Variants in MBNL2 observed in about 807,000 individuals in gnomAD.
MBNL2 encodes muscleblind-like protein 2.
Under a neutral mutation model 41.9 loss-of-function variants are expected in MBNL2, and 17 were observed. The ratio of observed to expected loss-of-function variants is 0.41; its 90% CI spans 0.28 to 0.61. MBNL2 has a LOEUF of 0.61. MBNL2 is among the 20% of genes least tolerant of loss of function. The pLI, the probability that MBNL2 is intolerant of heterozygous loss-of-function variation, is 0.35. For missense variants in MBNL2, 336 were observed against 505.6 expected, an observed-to-expected ratio of 0.66 and a Z score of 3.22; for synonymous variants, 195 against 182.9, an observed-to-expected ratio of 1.07 and a Z score of -0.53.
the MBNL2 span, among the ~76,000 whole-genome samples, chr13:97,207,525 T>C: frequency 6.6e-6 from 1 of 152,164 alleles, no homozygotes; most frequent in African/African-American, 2.4e-5. Context: ...CATCAGATCT[T>C]GTGAGACTTA....
In MBNL2 at chr13:97,393,995, T is replaced by G. The variant is rs1190899866; in HGVS notation, c.*2546T>G. On this transcript the variant is annotated 3_prime_UTR_variant, in exon 9 of 9. Transcript: ENST00000679496. ...AAATCTTTCTGTAACACTTAAAGAA[T>G]TCCCTCATTCATTACCTTACAGTGT... 6.6e-6 allele frequency: 1 copy of G among 152,608 alleles called. No individual in the cohort carries two copies. Among genetic ancestry groups the G allele is most frequent in the Admixed American group, 6.6e-5 (1 of 15,264 alleles). The allele number at this position is 152,608 out of a possible 1,614,324, so 9.5% of individuals were successfully genotyped here.
chr13:97,379,164 G>A (rs1313604998), intron 8 of MBNL2, among the ~76,000 whole-genome samples: 2 of 152,218 alleles, frequency 1.3e-5, no homozygotes, highest in African/African-American at 4.8e-5. Context: ...AGAAAGTTTA[G>A]TAGAAGCGAA....
chr13:97,286,632 G>C (rs2054504675), intron 2 of MBNL2, among the ~76,000 whole-genome samples: 1 of 152,156 alleles, frequency 6.6e-6, no homozygotes, highest in South Asian at 2.1e-4. Flanking sequence ...TGTGGCACCT[G>C]TTGCATTTCT....
the MBNL2 span, among the ~76,000 whole-genome samples, chr13:97,201,655 A>G: frequency 6.6e-6 from 1 of 152,232 alleles, no homozygotes; most frequent in Non-Finnish European, 1.5e-5. Flanking sequence ...CATTGAAATT[A>G]TAATCTTCAG....
chr13:97,344,688 G>C (rs2061696082), intron 4 of MBNL2, among the ~76,000 whole-genome samples: 1 of 152,176 alleles, frequency 6.6e-6, no homozygotes, highest in South Asian at 2.1e-4. Context: ...TTACTGAATA[G>C]ACCTTTCACA....
At chr13:97,365,599 T>C (rs2063784511) in intron 8 of MBNL2, among the ~76,000 whole-genome samples, 2 of 152,252 alleles carry the variant, frequency 1.3e-5, no homozygotes, top group Admixed American at 1.3e-4. Context: ...ATTCATTTTT[T>C]ACAAATTATA....
chr13:97,261,983 G>C (rs577872663), intron 1 of MBNL2, among the ~76,000 whole-genome samples: 9 of 152,280 alleles, frequency 5.9e-5, no homozygotes, highest in African/African-American at 2.2e-4. Context: ...CTCTTGTCCT[G>C]TTTTTCTCCT....
chr13:97,212,790 A>AC, the MBNL2 span, among the ~76,000 whole-genome samples: 1 of 152,138 alleles, frequency 6.6e-6, no homozygotes, highest in African/African-American at 2.4e-5. Flanking sequence ...CTATGTGAGC[A>AC]CCCCAGAAGT....
At chr13:97,376,826 A>G (rs541643567) in intron 8 of MBNL2, among the ~76,000 whole-genome samples, 2 of 152,298 alleles carry the variant, frequency 1.3e-5, no homozygotes, top group South Asian at 4.2e-4. Flanking sequence ...AAAACATAAA[A>G]AAGAAAAATT....
intron 2 of MBNL2, among the ~76,000 whole-genome samples, chr13:97,305,769 A>AAAAC (rs34331229): frequency 0.47 from 70,703 of 150,898 alleles, 19,042 homozygotes; most frequent in Non-Finnish European, 0.59. Flanking sequence ...ACCCCGTCTC[A>AAAAC]AAACAAACAA....
chr13:97,295,447 C>T (rs2056862242), intron 2 of MBNL2, among the ~76,000 whole-genome samples: 1 of 152,094 alleles, frequency 6.6e-6, no homozygotes, highest in Non-Finnish European at 1.5e-5. Context: ...ATTTGGTTGC[C>T]TAGCAACCAT....
chr13:97,198,195 A>G, the MBNL2 span, among the ~76,000 whole-genome samples: 1 of 152,304 alleles, frequency 6.6e-6, no homozygotes, highest in Admixed American at 6.5e-5. Flanking sequence ...ATGTCATTCA[A>G]TCAGTTGAAG....
intron 1 of MBNL2, among the ~76,000 whole-genome samples, chr13:97,274,986 G>A (rs764440612): frequency 6.6e-6 from 1 of 152,136 alleles, no homozygotes; most frequent in Admixed American, 6.5e-5. Context: ...TCTAATATAC[G>A]CCGTAGACTA....
At chr13:97,305,933 A>C (rs942601407) in intron 2 of MBNL2, among the ~76,000 whole-genome samples, 16 of 152,144 alleles carry the variant, frequency 1.1e-4, no homozygotes, top group Admixed American at 3.9e-4. Context: ...AAGAGAAGGG[A>C]TAAAAAAGGG....
At chr13:97,214,469 T>G in the MBNL2 span, among the ~76,000 whole-genome samples, 1 of 152,150 alleles carries the variant, frequency 6.6e-6, no homozygotes, top group African/African-American at 2.4e-5. Context: ...ATCAAGTAGA[T>G]TATAAATTTT....
chr13:97,142,251 AAAGAT>A, the MBNL2 span, among the ~76,000 whole-genome samples: 4 of 152,224 alleles, frequency 2.6e-5, no homozygotes, highest in Admixed American at 6.5e-5. Context: ...AAAGTTTAGA[AAAGAT>A]AAGGTATTAA....
intron 1 of MBNL2, among the ~76,000 whole-genome samples, chr13:97,229,837 T>C (rs2042141959): frequency 2.0e-5 from 3 of 152,238 alleles, no homozygotes; most frequent in Admixed American, 2.0e-4. Flanking sequence ...TAAGATAGGG[T>C]TAGAGGTCAG....
intron 2 of MBNL2, among the ~76,000 whole-genome samples, chr13:97,321,292 C>T (rs1050133831): frequency 2.0e-5 from 3 of 152,210 alleles, no homozygotes; most frequent in Non-Finnish European, 2.9e-5. Flanking sequence ...AAACCCCCTG[C>T]TGTGTGGGTT....
intron 2 of MBNL2, among the ~76,000 whole-genome samples, chr13:97,300,502 G>C (rs2057509666): frequency 6.6e-6 from 1 of 152,124 alleles, no homozygotes; most frequent in African/African-American, 2.4e-5. Flanking sequence ...GTTCACAATA[G>C]GGTTCCCACT....
Sources: gnomAD v4.1 joint callset for allele counts (sites outside exome capture counted in the v4.1 genomes callset) on GRCh38, gnomAD v4.1.1 for gene constraint, MANE v1.5 for transcripts, NCBI Gene and HGNC (gene_info 2026-07-23, HGNC 2026-07-21) for gene names.